The following CCDC12 variants were observed in gnomAD, a reference collection of about 807,000 sequenced individuals.
CCDC12 encodes coiled-coil domain-containing protein 12.
Under a neutral mutation model 25.7 loss-of-function variants are expected in CCDC12, and 28 were observed. The ratio of observed to expected loss-of-function variants is 1.09; its 90% confidence interval spans 0.81 to 1.50. The LOEUF is 1.50. Ranked by LOEUF, CCDC12 falls within the 40% of genes most tolerant of loss-of-function variation. The pLI is 0.00. For synonymous variants in CCDC12, 75 were observed against 87.7 expected (o/e 0.86, Z 0.81); for missense variants, 198 against 210.0 (o/e 0.94, Z 0.35).
At position 46,957,996 on chromosome 3, in the gene CCDC12, C is replaced by CACACACACACACACACACATAT. The variant is rs113627328; in HGVS notation, c.97-16932_97-16931insATATGTGTGTGTGTGTGTGTGT. Among the ~76,000 whole-genome samples the CACACACACACACACACACATAT allele has an allele frequency of 3.5e-5, 5 of 142,684 alleles. No individual in the cohort carries two copies. In the East Asian group the frequency reaches 1.0e-3, roughly 30 times the overall value. 93.6% of individuals were successfully genotyped at this position (142,684 alleles called of 152,430 possible). A position where few individuals can be genotyped will look rare whatever the true frequency, so the allele number is the denominator to read the frequency against. On this transcript the variant is annotated intron_variant, in intron 1 of 6. Coordinates refer to ENST00000683445, the MANE Select transcript of CCDC12 (RefSeq NM_001277074.2). The stretch of plus-strand genomic sequence containing the variant: ...ACACACACACACACACACACACACA[C>CACACACACACACACACACATAT]ATATATATGTAAAGCTAATAGAACC...
chr3:46,957,935 TC>T lies in CCDC12; in HGVS notation c.97-16871del, dbSNP rs1272400359. 2.3e-5 allele frequency among the ~76,000 whole-genome samples: 3 copies of T among 131,454 alleles called. No individual in the cohort carries two copies. In the Admixed American group the frequency reaches 2.3e-4, roughly 10 times the overall value. The allele number at this position is 131,454 out of a possible 152,430, so 86.2% of individuals were successfully genotyped here. On this transcript the variant is annotated intron_variant, in intron 1 of 6. Coordinates refer to ENST00000683445, the MANE Select transcript of CCDC12 (RefSeq NM_001277074.2). Reference sequence around the variant, plus strand: ...TCCAGCCTGGCCAACAGAGCGAGACTCCATCTCAAAAATAAAAAAATAAATA... The same window carrying T: ...TCCAGCCTGGCCAACAGAGCGAGACTCATCTCAAAAATAAAAAAATAAATA...
intron 1 of CCDC12, among the ~76,000 whole-genome samples, chr3:46,947,269 A>G (rs1399566720): frequency 6.6e-6 from 1 of 152,208 alleles, no homozygotes; most frequent in Non-Finnish European, 1.5e-5. Flanking sequence ...ATGGGCACAT[A>G]GTGCCTGAAG....
upstream of CCDC12, chr3:46,976,821 C>A: frequency 6.5e-7 from 1 of 1,535,662 alleles, no homozygotes; most frequent in Non-Finnish European, 8.8e-7. Context: ...AATCCAAGGA[C>A]GAGAATGAGA....
chr3:46,973,248 G>C (rs1171164875), intron 1 of CCDC12, among the ~76,000 whole-genome samples: 1 of 151,762 alleles, frequency 6.6e-6, no homozygotes, highest in Non-Finnish European at 1.5e-5. Context: ...AGCTACTGGG[G>C]AGGCTAAGGC....
chr3:46,937,161 C>T (rs529408509), intron 2 of CCDC12, among the ~76,000 whole-genome samples: 1 of 152,250 alleles, frequency 6.6e-6, no homozygotes, highest in East Asian at 1.9e-4. Context: ...TGGAAGGGGC[C>T]CCCAGGGACA....
intron 1 of CCDC12, among the ~76,000 whole-genome samples, chr3:46,950,716 A>C (rs1186142492): frequency 1.3e-5 from 2 of 152,218 alleles, no homozygotes; most frequent in Non-Finnish European, 2.9e-5. Flanking sequence ...TGCTAAACTT[A>C]ATTTTTAAAA....
intron 5 of CCDC12, chr3:46,923,116 C>G (rs1314511413): frequency 2.3e-6 from 1 of 437,958 alleles, no homozygotes; most frequent in Non-Finnish European, 3.8e-6. Context: ...GCCTGCTGCT[C>G]CCCGCGCCTG....
chr3:46,945,438 C>T (rs1014923428), intron 1 of CCDC12, among the ~76,000 whole-genome samples: 5 of 152,256 alleles, frequency 3.3e-5, no homozygotes, highest in African/African-American at 1.2e-4. Flanking sequence ...CCTGCCCTCA[C>T]CTCCTCCCAG....
At chr3:46,952,213 C>T (rs966511030) in intron 1 of CCDC12, among the ~76,000 whole-genome samples, 13 of 152,144 alleles carry the variant, frequency 8.5e-5, no homozygotes, top group African/African-American at 3.1e-4. Context: ...AAAGGAACCA[C>T]CTGGGGAGGC....
chr3:46,978,316 G>C (rs1459466865), upstream of CCDC12, among the ~76,000 whole-genome samples: 1 of 152,172 alleles, frequency 6.6e-6, no homozygotes, highest in Non-Finnish European at 1.5e-5. Context: ...GATGAAGCAG[G>C]ACAAAAGGCC....
At chr3:46,968,306 T>C (rs934750890) in intron 1 of CCDC12, among the ~76,000 whole-genome samples, 15 of 151,592 alleles carry the variant, frequency 9.9e-5, no homozygotes, top group Admixed American at 2.0e-4. Flanking sequence ...AGGGCTAGGA[T>C]GAGTAAAGCC....
Position 46,922,040 on chromosome 3 carries a change from G to A in CCDC12, c.*17C>T, listed in dbSNP as rs1193419032. 3 of 1,613,134 alleles carry A rather than the reference G, an allele frequency of 1.9e-6. No homozygotes were observed. Among genetic ancestry groups the A allele is most frequent in the Non-Finnish European group, 2.5e-6 (3 of 1,179,758 alleles). ...GCAGGACAGGCCTGATGGGCGAGTG[G>A]TGGGGCAGGGCATGCCTCAGTCGGA... On this transcript the variant is annotated 3_prime_UTR_variant, in exon 7 of 7. Coordinates refer to ENST00000683445, the MANE Select transcript of CCDC12 (RefSeq NM_001277074.2).
intron 1 of CCDC12, among the ~76,000 whole-genome samples, chr3:46,945,110 C>G (rs2033854001): frequency 6.6e-6 from 1 of 152,252 alleles, no homozygotes; most frequent in East Asian, 1.9e-4. Context: ...AGGCCCAGGG[C>G]ACAGGCCTGT....
intron 3 of CCDC12, 25 bp downstream of exon 3, chr3:46,925,431 A>G: frequency 1.9e-6 from 3 of 1,602,938 alleles, no homozygotes; most frequent in Non-Finnish European, 2.6e-6. Flanking sequence ...CAGGAAGCAG[A>G]GGTGGAGAGG....
At chr3:46,970,003 G>A (rs2034757720) in intron 1 of CCDC12, among the ~76,000 whole-genome samples, 1 of 150,026 alleles carries the variant, frequency 6.7e-6, no homozygotes, top group South Asian at 2.1e-4. Context: ...CTACCAGGCT[G>A]AAGCAATTCT....
At chr3:46,950,915 A>G (rs964897070) in intron 1 of CCDC12, among the ~76,000 whole-genome samples, 1 of 152,208 alleles carries the variant, frequency 6.6e-6, no homozygotes, top group Non-Finnish European at 1.5e-5. Context: ...AAAGACAAAT[A>G]CTGCATGATC....
chr3:46,924,387 C>T (rs2032843849), intron 3 of CCDC12, among the ~76,000 whole-genome samples: 1 of 152,224 alleles, frequency 6.6e-6, no homozygotes. Context: ...CACCATTACC[C>T]TACCAGGTGG....
intron 2 of CCDC12, among the ~76,000 whole-genome samples, chr3:46,936,560 C>T (rs1360528167): frequency 6.6e-6 from 1 of 152,148 alleles, no homozygotes; most frequent in Non-Finnish European, 1.5e-5. Context: ...ATGTGACTTG[C>T]CCAGGGTTAG....
chr3:46,965,057 G>A (rs2034600034), intron 1 of CCDC12, among the ~76,000 whole-genome samples: 1 of 152,054 alleles, frequency 6.6e-6, no homozygotes, highest in African/African-American at 2.4e-5. Context: ...AGAAGATTAA[G>A]GACTCCCAAG....
Sources: gnomAD v4.1 joint callset for allele counts (sites outside exome capture counted in the v4.1 genomes callset) on GRCh38, gnomAD v4.1.1 for gene constraint, MANE v1.5 for transcripts, NCBI Gene and HGNC (gene_info 2026-07-23, HGNC 2026-07-21) for gene names.